ZYG11A: variants seen among roughly 807,000 people sequenced by gnomAD.
ZYG11A encodes zyg-11 family member A, cell cycle regulator, also known as protein zyg-11 homolog A.
Under a neutral mutation model 77.2 loss-of-function variants are expected in ZYG11A, and 62 were observed. The ratio of observed to expected loss-of-function variants is 0.80; its 90% confidence interval spans 0.65 to 0.99. The LOEUF (loss-of-function observed/expected upper bound fraction) is 0.99, where lower values mean the gene tolerates loss of function less well. Ranked by LOEUF, ZYG11A falls within the 50% of genes least tolerant of loss-of-function variation. The pLI is 0.00. For missense variants in ZYG11A, 828 were observed against 896.8 expected (o/e 0.92, Z 0.98); for synonymous variants, 315 against 324.6 (o/e 0.97, Z 0.32).
chr1:52,868,138 G>A (rs1352174392), intron 8 of ZYG11A, among the ~76,000 whole-genome samples: 1 of 151,360 alleles, frequency 6.6e-6, no homozygotes, highest in Non-Finnish European at 1.5e-5. Context: ...GCTAATTTTT[G>A]TATTTTTAGT....
intron 5 of ZYG11A, among the ~76,000 whole-genome samples, chr1:52,864,592 TAA>T (rs1254835952): frequency 6.6e-6 from 1 of 152,176 alleles, no homozygotes; most frequent in Non-Finnish European, 1.5e-5. Flanking sequence ...AGAGAATAGA[TAA>T]AAGAGTGTGT....
At position 52,857,462 on chromosome 1, in the gene ZYG11A, C is replaced by CATGTGATT; in HGVS notation, c.721_722insATGTGATT (p.Leu241HisfsTer6). On this transcript the variant is annotated frameshift_variant, in exon 3 of 14. Transcript: ENST00000371528. LOFTEE classifies it high-confidence loss of function. ...TCTCACAATGCACTATCTGAAATGC[C>CATGTGATT]TGGCCATGACCAAATCACAAATTCT... 1 of 1,552,214 alleles carries CATGTGATT rather than the reference C, an allele frequency of 6.4e-7. No homozygotes were observed. Among genetic ancestry groups the CATGTGATT allele is most frequent in the Non-Finnish European group, 8.7e-7 (1 of 1,147,116 alleles).
At chr1:52,891,062 C>CT (rs57138379) in intron 13 of ZYG11A, among the ~76,000 whole-genome samples, 4,617 of 151,770 alleles carry the variant, frequency 0.03, 327 homozygotes, top group African/African-American at 0.11. Flanking sequence ...CTATGCCCGT[C>CT]TAAGTTTTTG....
intron 11 of ZYG11A, among the ~76,000 whole-genome samples, chr1:52,883,829 G>T (rs1272763821): frequency 2.0e-5 from 3 of 152,000 alleles, no homozygotes; most frequent in Non-Finnish European, 2.9e-5. Context: ...CCTAAAGTTA[G>T]GGTGATTCTG....
rs1274761896 is a variant in ZYG11A at position 52,843,084 on chromosome 1, C to G, written c.90+111C>G. 2.2e-5 allele frequency: 20 copies of G among 927,052 alleles called. No homozygotes were observed. The Admixed American group carries it at 8.2e-4, about 38-fold the overall frequency. The allele number at this position is 927,052 out of a possible 1,614,324, so 57.4% of individuals were successfully genotyped here. A position where few individuals can be genotyped will look rare whatever the true frequency, so the allele number is the denominator to read the frequency against. ...GAGGCACTTGCTGGGGAGTGTGGCC[C>G]GCGCGGGGCTGCGGTCTAGATGCCG... On this transcript the variant is annotated intron_variant, in intron 1 of 13. Coordinates refer to ENST00000371528, the MANE Select transcript of ZYG11A (RefSeq NM_001004339.3).
intron 11 of ZYG11A, among the ~76,000 whole-genome samples, chr1:52,884,116 G>A (rs1646406172): frequency 6.6e-6 from 1 of 151,962 alleles, no homozygotes; most frequent in African/African-American, 2.4e-5. Flanking sequence ...CTGACCTTAG[G>A]TCATCCACCC....
chr1:52,860,783 G>A lies in ZYG11A; in HGVS notation c.1061G>A (p.Arg354Lys). ...ATTTCAGAAGCACTGAGCCGATACA[G>A]GAACAGATCATGTTTTGTGAAGGAA... ...SQISEALSRY[R>K]NRSCFVKEAL... The change falls in exon 4 of 14, where the codon AGG (arginine) becomes AAG (lysine). Residue 354 changes from arginine (R) to lysine (K), a missense_variant. By Grantham distance (26) the Arg-to-Lys change is conservative. Transcript: ENST00000371528. 6.4e-7 allele frequency: 1 copy of A among 1,551,654 alleles called. No homozygotes were observed.
chr1:52,856,085 C>T (rs979384776), intron 2 of ZYG11A, among the ~76,000 whole-genome samples: 2 of 152,090 alleles, frequency 1.3e-5, no homozygotes, highest in African/African-American at 4.8e-5. Context: ...TCAGCAGTGT[C>T]CAAGGGTTCT....
intron 3 of ZYG11A, among the ~76,000 whole-genome samples, chr1:52,858,759 T>C (rs1324450436): frequency 6.6e-6 from 1 of 151,616 alleles, no homozygotes; most frequent in Non-Finnish European, 1.5e-5. Flanking sequence ...ATTACAGGTG[T>C]GCACCACCAC....
intron 8 of ZYG11A, among the ~76,000 whole-genome samples, chr1:52,869,557 G>C (rs1207261644): frequency 2.0e-5 from 3 of 151,894 alleles, no homozygotes; most frequent in South Asian, 4.2e-4. Flanking sequence ...GCACAGGGTT[G>C]GGGGTAAGGT....
In ZYG11A at chr1:52,886,968, AT is replaced by A; in HGVS notation, c.2024del (p.Phe675SerfsTer35). The part of the protein sequence containing the change: ...ALVTYRSFKT[F>X]FPLLGNFSQP... ...TTTTTTGTTTTAGATCTTTCAAGACATTTTTCCCGCTCCTTGGCAACTTCTC... is the reference window on the plus strand; with the variant it reads ...TTTTTTGTTTTAGATCTTTCAAGACATTTTCCCGCTCCTTGGCAACTTCTC... On this transcript the variant is annotated frameshift_variant, in exon 13 of 14. Coordinates refer to ENST00000371528, the MANE Select transcript of ZYG11A (RefSeq NM_001004339.3). LOFTEE classifies it high-confidence loss of function. 5 of 1,547,490 alleles carry A rather than the reference AT, an allele frequency of 3.2e-6. No homozygotes were observed. The highest frequency in any genetic ancestry group is 2.6e-6 in the Non-Finnish European group (3 of 1,143,830).
chr1:52,850,578 A>G (rs1433521562), intron 1 of ZYG11A, among the ~76,000 whole-genome samples: 1 of 152,060 alleles, frequency 6.6e-6, no homozygotes, highest in Non-Finnish European at 1.5e-5. Flanking sequence ...TCAGCCTCCC[A>G]AAGTGTTGGG....
intron 1 of ZYG11A, among the ~76,000 whole-genome samples, chr1:52,851,780 C>T (rs1645716924): frequency 6.6e-6 from 1 of 151,802 alleles, no homozygotes; most frequent in Non-Finnish European, 1.5e-5. Flanking sequence ...TATAGTCTCA[C>T]TCTGTTGCCC....
chr1:52,893,246 G>T lies in ZYG11A; in HGVS notation c.*289G>T. On this transcript the variant is annotated 3_prime_UTR_variant, in exon 14 of 14. Transcript: ENST00000371528. ...CAGCTATGCAAGTTACTTTTCTCTAGCCTTGGACAATTTTTTCCCTTTGGG... is the reference window on the plus strand; with the variant it reads ...CAGCTATGCAAGTTACTTTTCTCTATCCTTGGACAATTTTTTCCCTTTGGG... 3.5e-6 allele frequency: 1 copy of T among 289,508 alleles called. No individual in the cohort carries two copies. The highest frequency in any genetic ancestry group is 6.5e-6 in the Non-Finnish European group (1 of 154,212). The allele number at this position is 289,508 out of a possible 1,614,324, so 17.9% of individuals were successfully genotyped here.
At chr1:52,851,903 ATGCC>A (rs1645720275) in intron 1 of ZYG11A, among the ~76,000 whole-genome samples, 1 of 139,404 alleles carries the variant, frequency 7.2e-6, no homozygotes. Flanking sequence ...ACCCGCCACC[ATGCC>A]TTCCTAATTT....
rs1479276411 is a variant in ZYG11A, at chr1:52,857,687, G to T, written c.946G>T (p.Val316Leu). 7 of 1,552,134 alleles carry T rather than the reference G, an allele frequency of 4.5e-6. No homozygotes were observed. Among genetic ancestry groups the T allele is most frequent in the Non-Finnish European group, 6.1e-6 (7 of 1,147,120 alleles). ...FIRLRPAMQF[V>L]GLLATDAGSS... Reference sequence around the variant, plus strand: ...ACGACTGCGGCCTGCCATGCAATTTGTGGGACTATTGGCCACGGATGCTGG... The same window carrying T: ...ACGACTGCGGCCTGCCATGCAATTTTTGGGACTATTGGCCACGGATGCTGG... The change falls in exon 3 of 14, where the codon GTG (valine) becomes TTG (leucine). Residue 316 changes from valine to leucine, a missense_variant. Val to Leu is a conservative substitution (Grantham distance 32). Coordinates refer to ENST00000371528, the MANE Select transcript of ZYG11A (RefSeq NM_001004339.3).
chr1:52,890,053 G>GTT (rs67041059), intron 13 of ZYG11A, among the ~76,000 whole-genome samples: 4,498 of 118,362 alleles, frequency 0.038, 150 homozygotes, highest in African/African-American at 0.062. Context: ...ATCACTGCTT[G>GTT]TTTTTTTTTT....
intron 4 of ZYG11A, among the ~76,000 whole-genome samples, chr1:52,862,592 G>T (rs537015992): frequency 1.3e-5 from 2 of 152,062 alleles, no homozygotes; most frequent in Admixed American, 6.6e-5. Flanking sequence ...GATTACAGGC[G>T]TGAGCCACTG....
chr1:52,854,340 A>C (rs1448653751), intron 1 of ZYG11A, 125 bp from the exon 2 acceptor site: 35 of 871,902 alleles, frequency 4.0e-5, no homozygotes, highest in Non-Finnish European at 5.4e-5. Flanking sequence ...ATAAATCATT[A>C]CTAGAGTATG....
Sources: gnomAD v4.1 joint callset for allele counts (sites outside exome capture counted in the v4.1 genomes callset) on GRCh38, gnomAD v4.1.1 for gene constraint, MANE v1.5 for transcripts, NCBI Gene and HGNC (gene_info 2026-07-23, HGNC 2026-07-21) for gene names.